The following TARS1 variants were observed in gnomAD, a reference collection of about 807,000 sequenced individuals.
TARS1 encodes the protein threonine--tRNA ligase 1, cytoplasmic.
Under a neutral mutation model 97.7 loss-of-function variants are expected in TARS1, and 57 were observed. The ratio of observed to expected loss-of-function variants is 0.58; its 90% CI spans 0.47 to 0.73. The LOEUF is 0.73. TARS1 is among the 30% of genes least tolerant of loss of function. The pLI is 0.00. For missense variants in TARS1, 806 were observed against 888.3 expected, an observed-to-expected ratio of 0.91 and a Z score of 1.18; for synonymous variants, 312 against 293.7, an observed-to-expected ratio of 1.06 and a Z score of -0.64.
intron 17 of TARS1, 41 bp from the exon 18 acceptor site, chr5:33,466,830 T>G (rs1742548363): frequency 7.0e-7 from 1 of 1,424,756 alleles, no homozygotes; most frequent in Non-Finnish European, 9.7e-7. Context: ...AATATAATTC[T>G]GATTTTAGAT....
intron 2 of TARS1, chr5:33,446,330 A>G (rs577858966): frequency 3.1e-6 from 1 of 322,338 alleles, no homozygotes; most frequent in Non-Finnish European, 6.2e-6. Context: ...CCCCCACTGT[A>G]ATTGTGAAGA....
chr5:33,456,262 C>T, intron 8 of TARS1, 35 bp downstream of exon 8: 4 of 1,486,854 alleles, frequency 2.7e-6, no homozygotes, highest in Non-Finnish European at 3.7e-6. Context: ...GTGAATGTAT[C>T]TGTCTAGAAT....
At chr5:33,452,552 T>C (rs1741797063) in intron 3 of TARS1, 7 of 750,724 alleles carry the variant, frequency 9.3e-6, no homozygotes, top group Non-Finnish European at 2.2e-6. Flanking sequence ...CATCACTTGA[T>C]GATACTTTAT....
At chr5:33,456,089 A>G (rs1471053376) in intron 7 of TARS1, 23 bp downstream of exon 7, 8 of 1,612,762 alleles carry the variant, frequency 5.0e-6, no homozygotes, top group Non-Finnish European at 5.9e-6. Flanking sequence ...GATGTCATTA[A>G]ATGTATCTGG....
rs1265883834 is a variant in TARS1, at chr5:33,455,037, A to T, written c.546A>T (p.Gly182=). The change falls in exon 5 of 19, where the codon GGA becomes GGT. Residue 182 remains glycine (G), a synonymous_variant. Transcript: ENST00000265112. The stretch of plus-strand genomic sequence containing the variant: ...GCTACGGTCCGCCAATAGAAAATGG[A>T]TTCTATTATGACATGTACCTCGAAG... The part of the protein sequence containing the change: ...CLCYGPPIEN[G]FYYDMYLEEG... 3 of 1,613,780 alleles carry T rather than the reference A, an allele frequency of 1.9e-6. No individual in the cohort carries two copies. The highest frequency in any genetic ancestry group is 2.5e-6 in the Non-Finnish European group (3 of 1,179,852).
intron 13 of TARS1, 88 bp downstream of exon 13, chr5:33,461,383 T>C: frequency 6.6e-7 from 1 of 1,504,402 alleles, no homozygotes; most frequent in Non-Finnish European, 8.9e-7. Flanking sequence ...TTTAAATGGA[T>C]AAAAGCAAAA....
At chr5:33,448,808 A>C in intron 3 of TARS1, 77 bp downstream of exon 3, 1 of 1,155,274 alleles carries the variant, frequency 8.7e-7, no homozygotes, top group Non-Finnish European at 1.2e-6. Flanking sequence ...GCCATGTTTT[A>C]TTCTTATAAT....
chr5:33,443,475 C>CTTTTTTT (rs199902596), intron 1 of TARS1, among the ~76,000 whole-genome samples: 2 of 130,298 alleles, frequency 1.5e-5, no homozygotes, highest in African/African-American at 2.9e-5. Flanking sequence ...ATTTTTCTTT[C>CTTTTTTT]TTTTTTTTTT....
At position 33,467,669 on chromosome 5, in the gene TARS1, C is replaced by G; in HGVS notation, c.2133C>G (p.Leu711=). The change falls in exon 19 of 19, where the codon CTC becomes CTG. Residue 711 remains leucine, a synonymous_variant. Transcript: ENST00000265112. ...AAACTATCGAGCGGCTACAGCAGCT[C>G]AAAGAGTTCCGCAGCAAACAGGCAG... is the stretch of plus-strand genomic sequence containing the variant. The part of the protein sequence containing the change: ...ISETIERLQQ[L]KEFRSKQAEE... The G allele has an allele frequency of 6.2e-7, 1 of 1,613,378 alleles. No individual in the cohort carries two copies. The highest frequency in any genetic ancestry group is 8.5e-7 in the Non-Finnish European group (1 of 1,179,754).
rs1240840651 is a variant in TARS1, at chr5:33,461,012, G to A, written c.1361G>A (p.Arg454Gln). ...TCTGGAGCACTCACAGGACTCACCC[G>A]GGTACGAAGATTCCAACAGGATGAT... ...ELSGALTGLT[R>Q]VRRFQQDDAH... The change falls in exon 12 of 19, where the codon CGG becomes CAG. Residue 454 changes from arginine (R) to glutamine (Q), a missense_variant. Around this residue, in one of 3 missense-constraint regions of TARS1, gnomAD observed 446 missense variants for 511.0 expected, o/e 0.87. Transcript: ENST00000265112. 10 of 1,614,000 alleles carry A rather than the reference G, an allele frequency of 6.2e-6. No individual in the cohort carries two copies. In the East Asian group the frequency reaches 6.7e-5, roughly 11 times the overall value.
chr5:33,447,393 T>C (rs1741474209), intron 2 of TARS1, among the ~76,000 whole-genome samples: 1 of 152,088 alleles, frequency 6.6e-6, no homozygotes, highest in Admixed American at 6.5e-5. Context: ...ACTACAGGTG[T>C]GCGCCACCAC....
chr5:33,449,946 TA>T (rs35375523), intron 3 of TARS1, among the ~76,000 whole-genome samples: 30,706 of 152,050 alleles, frequency 0.2, 3,578 homozygotes, highest in East Asian at 0.5. Context: ...TTTATATACA[TA>T]CATAAAACAG....
chr5:33,445,414 A>G lies in TARS1; in HGVS notation c.138+10A>G, dbSNP rs762456176. On this transcript the variant is annotated intron_variant, in intron 2 of 18. Coordinates refer to ENST00000265112, the MANE Select transcript of TARS1 (RefSeq NM_152295.5). ...TGGAGGTCGAGCTGAGGTAAAAGTT[A>G]TCATCACAGAGGGCTCTGTTATCAG... 5 of 1,604,302 alleles carry G rather than the reference A, an allele frequency of 3.1e-6. No homozygotes were observed. In the African/African-American group the frequency reaches 4.4e-5, roughly 14 times the overall value.
At chr5:33,449,057 TA>T (rs1312555146) in intron 3 of TARS1, among the ~76,000 whole-genome samples, 1 of 152,150 alleles carries the variant, frequency 6.6e-6, no homozygotes, top group Non-Finnish European at 1.5e-5. Flanking sequence ...GTTTTGAAGT[TA>T]AAAATGAAGC....
chr5:33,451,742 G>A (rs1741751166), intron 3 of TARS1, among the ~76,000 whole-genome samples: 1 of 152,044 alleles, frequency 6.6e-6, no homozygotes. Context: ...TATGGCCCAT[G>A]TGTAATCTAC....
At chr5:33,449,318 T>C (rs908728014) in intron 3 of TARS1, among the ~76,000 whole-genome samples, 1 of 141,578 alleles carries the variant, frequency 7.1e-6, no homozygotes, top group African/African-American at 2.7e-5. Flanking sequence ...TATATATGTG[T>C]ATATATATAC....
intron 1 of TARS1, among the ~76,000 whole-genome samples, chr5:33,443,306 CCTCTCTCTCTCTCCCTCTCTCT>C (rs1387925010): frequency 3.1e-3 from 264 of 85,562 alleles, no homozygotes; most frequent in Non-Finnish European, 3.8e-3. Context: ...GTGGTGATTC[CCTCTCTCTCTCTCCCTCTCTCT>C]CTCTCTCTCT....
intron 11 of TARS1, among the ~76,000 whole-genome samples, 185 bp from the exon 12 acceptor site, chr5:33,460,717 A>T (rs1276862487): frequency 6.6e-6 from 1 of 152,214 alleles, no homozygotes; most frequent in African/African-American, 2.4e-5. Flanking sequence ...ATTGAGTTAT[A>T]ACTTATTTGC....
Position 33,463,799 on chromosome 5 carries a change from C to G in TARS1, c.1882C>G (p.Pro628Ala). 6.2e-7 allele frequency: 1 copy of G among 1,612,404 alleles called. No homozygotes were observed. The highest frequency in any genetic ancestry group is 1.3e-5 in the African/African-American group (1 of 74,996). The change falls in exon 17 of 19, where the codon CCA becomes GCA. Residue 628 changes from proline (P) to alanine (A), a missense_variant. This residue lies in a region of TARS1 where 446 missense variants were observed against 511.0 expected (regional missense o/e 0.87). Transcript: ENST00000265112. The stretch of plus-strand genomic sequence containing the variant: ...CCAGGTAATGGTAGTTCCAGTGGGA[C>G]CAACCTGTGATGAATATGCCCAAAA... ...PRQVMVVPVG[P>A]TCDEYAQKVR...
Sources: gnomAD v4.1 joint callset for allele counts (sites outside exome capture counted in the v4.1 genomes callset) on GRCh38, gnomAD v4.1.1 for gene constraint, gnomAD v4.1.1 regional missense constraint, MANE v1.5 for transcripts, NCBI Gene and HGNC (gene_info 2026-07-23, HGNC 2026-07-21) for gene names.